GUCY1A2: variants seen among roughly 807,000 people sequenced by gnomAD.
The protein encoded by GUCY1A2 is guanylate cyclase 1 soluble subunit alpha 2.
Under a neutral mutation model 63.5 loss-of-function variants are expected in GUCY1A2, and 27 were observed. The observed-to-expected ratio is 0.43, with a 90% CI of 0.31 to 0.59. The LOEUF is 0.59. Ranked by LOEUF, GUCY1A2 falls within the 20% of genes least tolerant of loss-of-function variation. GUCY1A2 has a pLI of 0.11. For missense variants in GUCY1A2, 768 were observed against 913.3 expected (o/e 0.84, Z 2.05); for synonymous variants, 364 against 343.5 (o/e 1.06, Z -0.66).
At position 106,986,107 on chromosome 11, in the gene GUCY1A2, T is replaced by C. The variant is rs140464048; in HGVS notation, c.328A>G (p.Lys110Glu). The part of the protein sequence containing the change: ...PSPQTIQQTL[K>E]RTLQYYEHQV... Reference sequence around the variant, plus strand: ...TGTTCATAATACTGCAGTGTCCTCTTGAGAGTCTGCTGTATCGTCTGAGGC... The same window carrying C: ...TGTTCATAATACTGCAGTGTCCTCTCGAGAGTCTGCTGTATCGTCTGAGGC... Residue 110 changes from lysine (K) to glutamate (E), a missense_variant, in exon 2 of 8, where the codon AAG becomes GAG. Physicochemically the swap from Lys to Glu is moderately conservative, Grantham distance 56 (BLOSUM62 1). Coordinates refer to ENST00000526355, the MANE Select transcript of GUCY1A2 (RefSeq NM_000855.3). The C allele has an allele frequency of 4.6e-5, 69 of 1,505,240 alleles. No individual in the cohort carries two copies. Among genetic ancestry groups the C allele is most frequent in the Non-Finnish European group, 6.0e-5 (65 of 1,081,096 alleles). 93.2% of individuals were successfully genotyped at this position (1,505,240 alleles called of 1,614,324 possible). A position where few individuals can be genotyped will look rare whatever the true frequency, so the allele number is the denominator to read the frequency against.
chr11:106,769,298 C>T (rs1207834153), intron 6 of GUCY1A2, among the ~76,000 whole-genome samples: 2 of 151,954 alleles, frequency 1.3e-5, no homozygotes, highest in Admixed American at 6.6e-5. Flanking sequence ...TAAATAAAAA[C>T]GGTATGAAAA....
At position 106,964,196 on chromosome 11, in the gene GUCY1A2, C is replaced by T. The variant is rs1015864035; in HGVS notation, c.487+14423G>A. On this transcript the variant is annotated intron_variant, in intron 3 of 7. Transcript: ENST00000526355. ...CCACAATCTATATTCAAATTTTGCT[C>T]ATTGTCCCAATGATATACCTTATAG... 2.6e-5 allele frequency among the ~76,000 whole-genome samples: 4 copies of T among 152,160 alleles called. No individual in the cohort carries two copies. In the South Asian group the frequency reaches 6.2e-4, roughly 24 times the overall value.
chr11:106,698,652 T>C (rs184839238), intron 7 of GUCY1A2, among the ~76,000 whole-genome samples: 6 of 152,286 alleles, frequency 3.9e-5, no homozygotes, highest in African/African-American at 1.4e-4. Context: ...TACTATTAAG[T>C]AAATTACAGA....
At chr11:106,918,064 T>C (rs1860392093) in intron 4 of GUCY1A2, among the ~76,000 whole-genome samples, 1 of 144,808 alleles carries the variant, frequency 6.9e-6, no homozygotes, top group South Asian at 2.4e-4. Flanking sequence ...TTTAAGCATT[T>C]AGTAGGAACT....
At chr11:106,738,897 A>T (rs1174023411) in intron 6 of GUCY1A2, among the ~76,000 whole-genome samples, 1 of 152,044 alleles carries the variant, frequency 6.6e-6, no homozygotes, top group Non-Finnish European at 1.5e-5. Flanking sequence ...TTCCATATGA[A>T]ATTTAAAGTA....
In GUCY1A2 at chr11:107,017,731, C is replaced by A. The variant is rs116143305; in HGVS notation, c.303+22G>T. On this transcript the variant is annotated intron_variant, in intron 1 of 7. Transcript: ENST00000526355. Reference sequence around the variant, plus strand: ...CGCGTTCTCTCCCCCGAAGGCGGTCCCCCCTTCCGCCCCCCGCTCACCGAG... The same window carrying A: ...CGCGTTCTCTCCCCCGAAGGCGGTCACCCCTTCCGCCCCCCGCTCACCGAG... 3,691 of 1,338,828 alleles carry A rather than the reference C, an allele frequency of 2.8e-3. 88 individuals carry two copies. In the African/African-American group the frequency reaches 0.051, roughly 18 times the overall value. 82.9% of individuals were successfully genotyped at this position (1,338,828 alleles called of 1,614,324 possible). A position where few individuals can be genotyped will look rare whatever the true frequency, so the allele number is the denominator to read the frequency against.
At chr11:106,981,907 C>T (rs1013396331) in intron 2 of GUCY1A2, among the ~76,000 whole-genome samples, 1 of 152,040 alleles carries the variant, frequency 6.6e-6, no homozygotes, top group Non-Finnish European at 1.5e-5. Flanking sequence ...TGAAGACAAT[C>T]CACAAAAGTT....
chr11:106,771,757 G>GA (rs5794496), intron 6 of GUCY1A2, among the ~76,000 whole-genome samples: 39,866 of 147,850 alleles, frequency 0.27, 5,792 homozygotes, highest in East Asian at 0.4. Flanking sequence ...GTGTCTTGAG[G>GA]AAAAAAAACA....
At chr11:106,917,551 C>A (rs898370288) in intron 4 of GUCY1A2, among the ~76,000 whole-genome samples, 21 of 144,384 alleles carry the variant, frequency 1.5e-4, no homozygotes, top group African/African-American at 5.1e-4. Flanking sequence ...CCCAAATGCC[C>A]AACAATGATA....
In GUCY1A2 at chr11:106,685,382, T is replaced by TAAG. The variant is rs1244008132; in HGVS notation, c.*2164_*2166dup. On this transcript the variant is annotated 3_prime_UTR_variant, in exon 8 of 8. Coordinates refer to ENST00000526355, the MANE Select transcript of GUCY1A2 (RefSeq NM_000855.3). Reference sequence around the variant, plus strand: ...CAAATATGCTTCCCGTAGATATTCTTAAGTATGGAGATAATAAATATGTGT... The same window carrying TAAG: ...CAAATATGCTTCCCGTAGATATTCTTAAGAAGTATGGAGATAATAAATATGTGT... The TAAG allele has an allele frequency of 2.3e-5, 5 of 215,644 alleles. No individual in the cohort carries two copies. The highest frequency in any genetic ancestry group is 1.1e-4 in the African/African-American group (5 of 44,478). 13.4% of individuals were successfully genotyped at this position (215,644 alleles called of 1,614,324 possible). A position where few individuals can be genotyped will look rare whatever the true frequency, so the allele number is the denominator to read the frequency against.
At chr11:106,956,259 C>T (rs1860982776) in intron 3 of GUCY1A2, among the ~76,000 whole-genome samples, 1 of 151,938 alleles carries the variant, frequency 6.6e-6, no homozygotes, top group Non-Finnish European at 1.5e-5. Context: ...TTTTTATTAT[C>T]CATCTTCTGA....
intron 6 of GUCY1A2, among the ~76,000 whole-genome samples, chr11:106,710,898 T>C (rs1381839797): frequency 6.6e-6 from 1 of 151,972 alleles, no homozygotes; most frequent in African/African-American, 2.4e-5. Flanking sequence ...CCACTCTGGT[T>C]GTAAGGAAAA....
At chr11:106,821,961 T>C (rs1398839302) in intron 4 of GUCY1A2, among the ~76,000 whole-genome samples, 1 of 152,166 alleles carries the variant, frequency 6.6e-6, no homozygotes, top group Non-Finnish European at 1.5e-5. Flanking sequence ...TGCTTAGTAA[T>C]AAGGATAGTG....
intron 6 of GUCY1A2, among the ~76,000 whole-genome samples, chr11:106,746,163 GCCTGGAGAGC>G (rs1863783849): frequency 6.6e-6 from 1 of 152,014 alleles, no homozygotes. Flanking sequence ...AGATGATCAA[GCCTGGAGAGC>G]AGTAGCTCAT....
At chr11:106,976,517 C>T (rs7928754) in intron 3 of GUCY1A2, among the ~76,000 whole-genome samples, 40,282 of 151,976 alleles carry the variant, frequency 0.27, 5,440 homozygotes, top group African/African-American at 0.3. Flanking sequence ...TGACCGCTAA[C>T]GCTGTCCTCA....
At chr11:106,931,450 A>G (rs948127298) in intron 4 of GUCY1A2, among the ~76,000 whole-genome samples, 7 of 152,228 alleles carry the variant, frequency 4.6e-5, no homozygotes, top group Non-Finnish European at 1.0e-4. Flanking sequence ...CAACTTCTTT[A>G]AAAATTAAAC....
intron 4 of GUCY1A2, among the ~76,000 whole-genome samples, chr11:106,920,414 G>A (rs1238611950): frequency 6.6e-6 from 1 of 152,000 alleles, no homozygotes; most frequent in Non-Finnish European, 1.5e-5. Flanking sequence ...CTTAGTAAAA[G>A]ATAAAAAGAA....
rs1862478613 is a variant in GUCY1A2 at position 106,684,057 on chromosome 11, TA to T, written c.*3491del. The T allele has an allele frequency of 5.3e-6, 1 of 188,862 alleles. No individual in the cohort carries two copies. Among genetic ancestry groups the T allele is most frequent in the African/African-American group, 2.3e-5 (1 of 42,810 alleles). The allele number at this position is 188,862 out of a possible 1,614,324, so 11.7% of individuals were successfully genotyped here. A position where few individuals can be genotyped will look rare whatever the true frequency, so the allele number is the denominator to read the frequency against. On this transcript the variant is annotated 3_prime_UTR_variant, in exon 8 of 8. Coordinates refer to ENST00000526355, the MANE Select transcript of GUCY1A2 (RefSeq NM_000855.3). ...GTGAATGAGATTTTGTTTAAGTTGT[TA>T]TTATCCTCTTTTGCTTTGTTTTTCC... is the stretch of plus-strand genomic sequence containing the variant.
chr11:106,831,932 G>A (rs547749082), intron 4 of GUCY1A2, among the ~76,000 whole-genome samples: 1 of 152,172 alleles, frequency 6.6e-6, no homozygotes, highest in Non-Finnish European at 1.5e-5. Flanking sequence ...TAAGAATGTG[G>A]TGAAAAGAAT....
Sources: gnomAD v4.1 joint callset for allele counts (sites outside exome capture counted in the v4.1 genomes callset) on GRCh38, gnomAD v4.1.1 for gene constraint, MANE v1.5 for transcripts, NCBI Gene and HGNC (gene_info 2026-07-23, HGNC 2026-07-21) for gene names.